Variants in SS18L1 observed in about 807,000 individuals in gnomAD.
SS18L1 encodes SS18L1 subunit of BAF chromatin remodeling complex.
In SS18L1, 32 loss-of-function variants were observed where a neutral mutation model predicts 70.3. That is an observed-to-expected ratio of 0.46 (90% confidence interval 0.34 to 0.61). The LOEUF (loss-of-function observed/expected upper bound fraction) is 0.61. Ranked by LOEUF, SS18L1 falls within the 20% of genes least tolerant of loss-of-function variation. The pLI is 0.01. For missense variants in SS18L1, 430 were observed against 542.1 expected (o/e 0.79, Z 2.05); for synonymous variants, 237 against 229.7 (o/e 1.03, Z -0.29).
chr20:62,164,700 CTT>C (rs895573031), intron 7 of SS18L1, among the ~76,000 whole-genome samples: 4 of 152,196 alleles, frequency 2.6e-5, no homozygotes, highest in African/African-American at 7.2e-5. Context: ...ACCTTTCAGT[CTT>C]TGCATAGTCC....
intron 8 of SS18L1, among the ~76,000 whole-genome samples, chr20:62,168,929 A>G (rs142463380): frequency 3.9e-5 from 6 of 152,296 alleles, no homozygotes; most frequent in South Asian, 4.1e-4. Context: ...AGAATCTGAT[A>G]AAACGAGAGG....
At chr20:62,169,995 C>CTGGGG (rs935894669) in intron 8 of SS18L1, among the ~76,000 whole-genome samples, 3 of 152,184 alleles carry the variant, frequency 2.0e-5, no homozygotes, top group Admixed American at 6.5e-5. Context: ...CTGGGCAGTG[C>CTGGGG]TGGGGCCGCC....
intron 1 of SS18L1, among the ~76,000 whole-genome samples, chr20:62,156,930 AG>A: frequency 6.6e-6 from 1 of 152,346 alleles, no homozygotes; most frequent in Non-Finnish European, 1.5e-5. Context: ...CTCTGAGAAA[AG>A]GCCTTTTTAT....
At position 62,159,318 on chromosome 20, in the gene SS18L1, A is replaced by G. The variant is rs1236600180; in HGVS notation, c.147-559A>G. 6.6e-6 allele frequency among the ~76,000 whole-genome samples: 1 copy of G among 152,206 alleles called. No homozygotes were observed. The highest frequency in any genetic ancestry group is 1.5e-5 in the Non-Finnish European group (1 of 68,024). Reference sequence around the variant, plus strand: ...CCAAGCGGCTGTCCAAGTGGCCGTCAGACTGACCTGGAGGTGGGAAGTGCG... The same window carrying G: ...CCAAGCGGCTGTCCAAGTGGCCGTCGGACTGACCTGGAGGTGGGAAGTGCG... On this transcript the variant is annotated intron_variant, in intron 2 of 10. Coordinates refer to ENST00000331758, the MANE Select transcript of SS18L1 (RefSeq NM_198935.3). The surrounding 1 kb of genome is among the most constrained non-coding windows in gnomAD (Gnocchi z 4.4).
Position 62,181,783 on chromosome 20 carries a change from T to G in SS18L1, c.*2575T>G, listed in dbSNP as rs1178416354. 2 of 226,410 alleles carry G rather than the reference T, an allele frequency of 8.8e-6. No homozygotes were observed. The highest frequency in any genetic ancestry group is 1.3e-4 in the East Asian group (2 of 15,636). The allele number at this position is 226,410 out of a possible 1,614,324, so 14.0% of individuals were successfully genotyped here. A position where few individuals can be genotyped will look rare whatever the true frequency, so the allele number is the denominator to read the frequency against. Reference sequence around the variant, plus strand: ...TATTCTATCTTCTGTCATATGAATGTTGAGCAAAGCTTAGGCCAACATGAA... The same window carrying G: ...TATTCTATCTTCTGTCATATGAATGGTGAGCAAAGCTTAGGCCAACATGAA... On this transcript the variant is annotated 3_prime_UTR_variant, in exon 11 of 11. Coordinates refer to ENST00000331758, the MANE Select transcript of SS18L1 (RefSeq NM_198935.3).
chr20:62,165,241 A>G (rs960924135), intron 7 of SS18L1, among the ~76,000 whole-genome samples, 181 bp from the exon 8 acceptor site: 6 of 152,106 alleles, frequency 3.9e-5, no homozygotes, highest in Admixed American at 3.9e-4. Flanking sequence ...TGATGTCTGC[A>G]TTTCAGTGGG....
At chr20:62,164,297 GGGGCAAGGA>G (rs146750123) in intron 7 of SS18L1, 51 bp downstream of exon 7, 235,510 of 1,448,464 alleles carry the variant, frequency 0.16, 23,558 homozygotes, top group South Asian at 0.31. Context: ...AGCAGCTGCA[GGGGCAAGGA>G]GGGCAAGGAG....
intron 1 of SS18L1, among the ~76,000 whole-genome samples, chr20:62,144,464 A>C (rs532616958): frequency 1.3e-5 from 2 of 152,306 alleles, no homozygotes; most frequent in East Asian, 3.9e-4. Flanking sequence ...CGATGGAGGC[A>C]CGGAAGGACG....
intron 1 of SS18L1, among the ~76,000 whole-genome samples, chr20:62,147,955 G>C (rs1600985552): frequency 6.6e-6 from 1 of 152,316 alleles, no homozygotes; most frequent in South Asian, 2.1e-4. Context: ...CTCAGAAGTG[G>C]AACTTGCTGT....
chr20:62,160,462 A>C (rs1435445878), intron 3 of SS18L1, among the ~76,000 whole-genome samples: 1 of 151,704 alleles, frequency 6.6e-6, no homozygotes, highest in African/African-American at 2.4e-5. Flanking sequence ...GCTTTGAGCC[A>C]CTGTGAACCG....
chr20:62,175,114 G>A (rs567794625), intron 10 of SS18L1, among the ~76,000 whole-genome samples: 13 of 152,378 alleles, frequency 8.5e-5, no homozygotes, highest in Admixed American at 5.2e-4. Flanking sequence ...CATTTGGCCC[G>A]TGTGGGCAAT....
At chr20:62,169,863 T>TGGAGTCC (rs1366270586) in intron 8 of SS18L1, among the ~76,000 whole-genome samples, 1 of 151,964 alleles carries the variant, frequency 6.6e-6, no homozygotes, top group Non-Finnish European at 1.5e-5. Context: ...CCACACCTCC[T>TGGAGTCC]GGAGTCCCGA....
chr20:62,154,096 A>G (rs1333382280), intron 1 of SS18L1, among the ~76,000 whole-genome samples: 2 of 152,214 alleles, frequency 1.3e-5, no homozygotes, highest in African/African-American at 4.8e-5. Context: ...ATGACGCCGT[A>G]CAAAGATTGA....
chr20:62,178,108 C>G (rs963646579), intron 10 of SS18L1, among the ~76,000 whole-genome samples: 2 of 149,622 alleles, frequency 1.3e-5, no homozygotes, highest in Admixed American at 6.7e-5. Flanking sequence ...CAGCCTCAAC[C>G]TCCGGGGCAT....
chr20:62,173,517 C>G (rs2057568217), intron 9 of SS18L1, among the ~76,000 whole-genome samples: 1 of 151,902 alleles, frequency 6.6e-6, no homozygotes, highest in Admixed American at 6.6e-5. Context: ...CAAGACCAGC[C>G]TGACCAATAT....
rs1293722258 is a variant in SS18L1 at position 62,163,032 on chromosome 20, G to T, written c.556+101G>T. ...GTGGTCCCGGGGAAGCTGCCCTCCT[G>T]CTGGGTGCTGGAGGGGAGGGGCCCG... is the stretch of plus-strand genomic sequence containing the variant. On this transcript the variant is annotated intron_variant, in intron 5 of 10. Transcript: ENST00000331758. 11 of 1,471,402 alleles carry T rather than the reference G, an allele frequency of 7.5e-6. No homozygotes were observed. The Admixed American group carries it at 2.4e-4, about 32-fold the overall frequency. 91.1% of individuals were successfully genotyped at this position (1,471,402 alleles called of 1,614,324 possible). A position where few individuals can be genotyped will look rare whatever the true frequency, so the allele number is the denominator to read the frequency against.
rs145173081 is a variant in SS18L1 at position 62,173,039 on chromosome 20, C to T, written c.1036+238C>T. 8.4e-4 allele frequency among the ~76,000 whole-genome samples: 128 copies of T among 152,374 alleles called. 1 individual carries two copies. The highest frequency in any genetic ancestry group is 1.6e-3 in the Non-Finnish European group (107 of 68,036). The stretch of plus-strand genomic sequence containing the variant: ...TGTGTAATAAACTTATTTTGAATAC[C>T]TTTAGGTTTCCAGAAAAGTTGGAAA... On this transcript the variant is annotated intron_variant, in intron 9 of 10. Transcript: ENST00000331758.
chr20:62,164,129 T>C lies in SS18L1; in HGVS notation c.722-16T>C, dbSNP rs1381402040. ...GGGCGCGGCCCGCACTGGCGCTGAA[T>C]GTGGTTCCCCCGCAGGCTCTTCCCA... On this transcript the variant is annotated splice_polypyrimidine_tract_variant and intron_variant, in intron 6 of 10. Transcript: ENST00000331758. 6.5e-7 allele frequency: 1 copy of C among 1,547,182 alleles called. No individual in the cohort carries two copies. Among genetic ancestry groups the C allele is most frequent in the Admixed American group, 2.0e-5 (1 of 50,784 alleles).
At chr20:62,176,553 A>G (rs2057623150) in intron 10 of SS18L1, among the ~76,000 whole-genome samples, 2 of 149,628 alleles carry the variant, frequency 1.3e-5, no homozygotes, top group African/African-American at 4.9e-5. Flanking sequence ...GGGGGCTTAC[A>G]CCTGTAATTC....
Sources: allele counts gnomAD v4.1 joint callset (sites outside exome capture counted in the v4.1 genomes callset), GRCh38; gene constraint gnomAD v4.1.1; non-coding constraint Gnocchi (gnomAD v3.1); transcripts MANE v1.5; gene names NCBI Gene and HGNC (gene_info 2026-07-23, HGNC 2026-07-21).